CPE: variants seen among roughly 807,000 people sequenced by gnomAD.
CPE encodes the protein carboxypeptidase E, also known as carbocypeptidase E.
A neutral mutation model predicts 53.5 loss-of-function variants in CPE; 17 were observed. That is an observed-to-expected ratio of 0.32 (90% CI 0.22 to 0.48). CPE has a LOEUF of 0.48. Ranked by LOEUF, CPE falls within the 20% of genes least tolerant of loss-of-function variation. CPE has a pLI of 0.99. For synonymous variants in CPE, 226 were observed against 228.8 expected, an observed-to-expected ratio of 0.99 and a Z score of 0.11; for missense variants, 524 against 614.7, an observed-to-expected ratio of 0.85 and a Z score of 1.56.
intron 6 of CPE, among the ~76,000 whole-genome samples, chr4:165,492,662 T>G (rs1732628810): frequency 6.6e-6 from 1 of 152,140 alleles, no homozygotes; most frequent in Non-Finnish European, 1.5e-5. Flanking sequence ...GGGGGCTGCA[T>G]GCACCAGTAA....
chr4:165,433,105 G>T (rs1162508815), intron 1 of CPE, among the ~76,000 whole-genome samples: 1 of 152,210 alleles, frequency 6.6e-6, no homozygotes, highest in Non-Finnish European at 1.5e-5. Flanking sequence ...TAGCAGAGGA[G>T]GTTGGCTCTA....
Position 165,487,496 on chromosome 4 carries a change from C to T in CPE, c.1032C>T (p.Ser344=). The change falls in exon 6 of 9, where the codon AGC becomes AGT. Residue 344 remains serine (S), a synonymous_variant. Coordinates refer to ENST00000402744, the MANE Select transcript of CPE (RefSeq NM_001873.4). ...GTTTTGAGATCACCGTGGAGCTTAG[C>T]TGTGAGAAGTTCCCACCTGAAGAGA... The part of the protein sequence containing the change: ...SNCFEITVEL[S]CEKFPPEETL... 6.2e-7 allele frequency: 1 copy of T among 1,614,122 alleles called. No individual in the cohort carries two copies. The highest frequency in any genetic ancestry group is 2.2e-5 in the East Asian group (1 of 44,864).
At chr4:165,404,568 T>G in intron 1 of CPE, 1 of 971,014 alleles carries the variant, frequency 1.0e-6, no homozygotes, top group Non-Finnish European at 1.7e-6. Flanking sequence ...GCCACATGTT[T>G]CGCTACATCC....
chr4:165,397,974 C>G (rs1259303380), intron 1 of CPE, among the ~76,000 whole-genome samples: 1 of 150,692 alleles, frequency 6.6e-6, no homozygotes, highest in Non-Finnish European at 1.5e-5. Context: ...ATTGCTTGAG[C>G]CCAGGAGTTG....
intron 5 of CPE, 98 bp downstream of exon 5, chr4:165,484,702 G>A (rs930390811): frequency 4.0e-5 from 46 of 1,138,058 alleles, no homozygotes; most frequent in Admixed American, 9.9e-5. Flanking sequence ...ATCTTCAATC[G>A]TCCTCCATCA....
rs1732024854 is a variant in CPE at position 165,462,470 on chromosome 4, A to G, written c.308-1920A>G. ...GGGAGCAGGACCAAAATGCCTTCTT[A>G]GTGCAACTTTTTCAAAAAAACTTGT... On this transcript the variant is annotated intron_variant, in intron 1 of 8. Coordinates refer to ENST00000402744, the MANE Select transcript of CPE (RefSeq NM_001873.4). Among the ~76,000 whole-genome samples the G allele has an allele frequency of 2.1e-5, 3 of 139,910 alleles. No individual in the cohort carries two copies. In the South Asian group the frequency reaches 7.0e-4, roughly 33 times the overall value. The allele number at this position is 139,910 out of a possible 152,430, so 91.8% of individuals were successfully genotyped here. A position where few individuals can be genotyped will look rare whatever the true frequency, so the allele number is the denominator to read the frequency against.
chr4:165,386,333 T>C (rs867723813), intron 1 of CPE: 5 of 476,758 alleles, frequency 1.0e-5, no homozygotes, highest in African/African-American at 6.3e-5. Flanking sequence ...ATTTTGTTTA[T>C]ATATATTTTT....
intron 1 of CPE, chr4:165,415,186 T>C (rs889517708): frequency 1.2e-5 from 2 of 167,016 alleles, no homozygotes; most frequent in African/African-American, 4.8e-5. Context: ...GAGAATGATC[T>C]TTACAGGATT....
chr4:165,435,553 T>C (rs1328860950), intron 1 of CPE, among the ~76,000 whole-genome samples: 1 of 152,218 alleles, frequency 6.6e-6, no homozygotes, highest in South Asian at 2.1e-4. Flanking sequence ...TTCTGTGTAA[T>C]AAGTTAGTAT....
intron 1 of CPE, among the ~76,000 whole-genome samples, chr4:165,439,191 A>G (rs963634189): frequency 6.6e-6 from 1 of 152,166 alleles, no homozygotes; most frequent in Non-Finnish European, 1.5e-5. Context: ...CAACCAACCA[A>G]CCAAACCAAT....
intron 1 of CPE, among the ~76,000 whole-genome samples, chr4:165,460,254 G>C (rs1013654154): frequency 6.6e-6 from 1 of 151,050 alleles, no homozygotes; most frequent in Admixed American, 6.6e-5. Context: ...AGAACGTATT[G>C]ACTCAGAGAG....
rs1732742103 is a variant in CPE at position 165,498,322 on chromosome 4, G to A, written c.*712G>A. 6.6e-6 allele frequency: 1 copy of A among 152,112 alleles called. No homozygotes were observed. The highest frequency in any genetic ancestry group is 1.5e-5 in the Non-Finnish European group (1 of 67,998). The allele number at this position is 152,112 out of a possible 1,614,324, so 9.4% of individuals were successfully genotyped here. A position where few individuals can be genotyped will look rare whatever the true frequency, so the allele number is the denominator to read the frequency against. On this transcript the variant is annotated 3_prime_UTR_variant, in exon 9 of 9. Transcript: ENST00000402744. ...AATAAAGGTTAAAAAAAAATCCCCA[G>A]TGCATGTATTTCAGTTCTCTAAGAT... is the stretch of plus-strand genomic sequence containing the variant.
rs10019631 is a variant in CPE at position 165,481,781 on chromosome 4, T to A, written c.673-461T>A. On this transcript the variant is annotated intron_variant, in intron 3 of 8. Coordinates refer to ENST00000402744, the MANE Select transcript of CPE (RefSeq NM_001873.4). ...TAATTGAGGGAAGTTGGGAAAATAG[T>A]AAGCAAAATTTGGAAATAAACTTTA... Among the ~76,000 whole-genome samples the A allele has an allele frequency of 7.7e-3, 1,170 of 152,314 alleles. 15 individuals carry two copies. Among genetic ancestry groups the A allele is most frequent in the African/African-American group, 0.027 (1,124 of 41,564 alleles).
intron 1 of CPE, among the ~76,000 whole-genome samples, chr4:165,396,925 G>A (rs751591319): frequency 5.9e-4 from 90 of 151,872 alleles, no homozygotes; most frequent in Non-Finnish European, 1.1e-3. Context: ...GCCAGGTGTG[G>A]TGGTATGCTC....
intron 1 of CPE, among the ~76,000 whole-genome samples, chr4:165,432,448 A>G (rs1731429563): frequency 6.6e-6 from 1 of 152,042 alleles, no homozygotes; most frequent in South Asian, 2.1e-4. Flanking sequence ...GGTGTGTGCC[A>G]CCATGCCTGG....
chr4:165,439,415 T>C (rs1406607678), intron 1 of CPE, among the ~76,000 whole-genome samples: 2 of 152,136 alleles, frequency 1.3e-5, no homozygotes, highest in East Asian at 3.9e-4. Context: ...TTATTGTTGG[T>C]CATTCTGATT....
chr4:165,421,887 C>T (rs1731230661), intron 1 of CPE, among the ~76,000 whole-genome samples: 1 of 151,950 alleles, frequency 6.6e-6, no homozygotes, highest in Admixed American at 6.6e-5. Context: ...TTGTTTTTAA[C>T]CTAATTAATT....
intron 1 of CPE, among the ~76,000 whole-genome samples, chr4:165,417,227 T>C (rs116026933): frequency 7.1e-6 from 1 of 141,690 alleles, no homozygotes; most frequent in African/African-American, 2.5e-5. Flanking sequence ...CAATTCTCCT[T>C]AGTTTAGACT....
At chr4:165,397,439 A>G in intron 1 of CPE, among the ~76,000 whole-genome samples, 1 of 152,196 alleles carries the variant, frequency 6.6e-6, no homozygotes, top group East Asian at 1.9e-4. Flanking sequence ...TACATTCTTA[A>G]ATACGCAATT....
Sources: allele counts gnomAD v4.1 joint callset (sites outside exome capture counted in the v4.1 genomes callset), GRCh38; gene constraint gnomAD v4.1.1; transcripts MANE v1.5; gene names NCBI Gene and HGNC (gene_info 2026-07-23, HGNC 2026-07-21).